Variants in PXDN observed in about 807,000 individuals in gnomAD.
The protein encoded by PXDN is peroxidasin homolog.
Under a neutral mutation model 140.3 loss-of-function variants are expected in PXDN, and 77 were observed. The ratio of observed to expected loss-of-function variants is 0.55; its 90% CI spans 0.46 to 0.66. The LOEUF (loss-of-function observed/expected upper bound fraction) is 0.66. Ranked by LOEUF, PXDN falls within the 30% of genes least tolerant of loss-of-function variation. PXDN has a pLI of 0.00. For synonymous variants in PXDN, 911 were observed against 857.4 expected, an observed-to-expected ratio of 1.06 and a Z score of -1.09; for missense variants, 1,838 against 2,039.5, an observed-to-expected ratio of 0.90 and a Z score of 1.90.
rs555320139 is a variant in PXDN, at chr2:1,718,251, C to G, written c.201-25117G>C. Reference sequence around the variant, plus strand: ...TACTCTACTAACCTACTACGCAAACCTACTCTACTCACCTATTCCACTAAC... The same window carrying G: ...TACTCTACTAACCTACTACGCAAACGTACTCTACTCACCTATTCCACTAAC... On this transcript the variant is annotated intron_variant, in intron 1 of 22. Coordinates refer to ENST00000252804, the MANE Select transcript of PXDN (RefSeq NM_012293.3). Among the ~76,000 whole-genome samples the G allele has an allele frequency of 6.9e-4, 105 of 151,934 alleles. 1 individual carries two copies. The South Asian group carries it at 9.2e-3, about 13-fold the overall frequency.
At chr2:1,710,204 G>A (rs371106882) in intron 1 of PXDN, among the ~76,000 whole-genome samples, 6 of 152,288 alleles carry the variant, frequency 3.9e-5, no homozygotes, top group East Asian at 1.9e-4. Context: ...TGTGTCAAAG[G>A]AGACACACGC....
At chr2:1,711,647 A>ACCAGCACCCGCT (rs1684789223) in intron 1 of PXDN, among the ~76,000 whole-genome samples, 1 of 117,418 alleles carries the variant, frequency 8.5e-6, no homozygotes, top group Non-Finnish European at 1.9e-5. Flanking sequence ...ACCAGCACCC[A>ACCAGCACCCGCT]CTCCACCAGC....
chr2:1,697,339 G>T (rs532207781), intron 1 of PXDN, among the ~76,000 whole-genome samples: 8 of 152,236 alleles, frequency 5.3e-5, no homozygotes, highest in South Asian at 2.1e-4. Flanking sequence ...GCATTTCCAC[G>T]TCTGATCCTT....
intron 1 of PXDN, among the ~76,000 whole-genome samples, chr2:1,697,272 T>C (rs891034430): frequency 6.6e-6 from 1 of 152,150 alleles, no homozygotes; most frequent in African/African-American, 2.4e-5. Flanking sequence ...AGGAAAAGCA[T>C]TTGCACACAC....
chr2:1,696,187 A>C (rs1418387009), intron 1 of PXDN, among the ~76,000 whole-genome samples: 1 of 152,280 alleles, frequency 6.6e-6, no homozygotes, highest in African/African-American at 2.4e-5. Context: ...AGAGTTCAAT[A>C]AAACATTTTT....
At chr2:1,700,939 A>G (rs1684410614) in intron 1 of PXDN, among the ~76,000 whole-genome samples, 1 of 152,162 alleles carries the variant, frequency 6.6e-6, no homozygotes, top group African/African-American at 2.4e-5. Context: ...AGAGGCAAAT[A>G]TGCAAAGTGC....
rs771853370 is a variant in PXDN at position 1,666,419 on chromosome 2, C to T, written c.1086G>A (p.Glu362=). The change falls in exon 10 of 23, where the codon GAG becomes GAA. Residue 362 remains glutamate (E), a synonymous_variant. Coordinates refer to ENST00000252804, the MANE Select transcript of PXDN (RefSeq NM_012293.3). ...GCGGGGGGTGGCCTGTGGCGCTGCACTCCAGCGTGACGCTCTCCCCAACCA... is the reference window on the plus strand; with the variant it reads ...GCGGGGGGTGGCCTGTGGCGCTGCATTCCAGCGTGACGCTCTCCCCAACCA... ...EVLVGESVTL[E]CSATGHPPPR... 4 of 1,613,574 alleles carry T rather than the reference C, an allele frequency of 2.5e-6. No homozygotes were observed. The African/African-American group carries it at 4.0e-5, about 16-fold the overall frequency.
In PXDN at chr2:1,639,398, T is replaced by C. The variant is rs751597008; in HGVS notation, c.3977A>G (p.Asn1326Ser). ...CEDCRTRGQF[N>S]AFSYHFRGRR... ...GCCTCGGAAATGATAGGAAAAGGCA[T>C]TGAACTGCCCCCTGGTCCTACAGTC... The change falls in exon 20 of 23, where the codon AAT (asparagine) becomes AGT (serine). Residue 1326 changes from asparagine to serine, a missense_variant. Transcript: ENST00000252804. This position sits in a 1 kb window ranked among gnomAD's most constrained non-coding sequence, Gnocchi z 5.0. 9 of 1,613,988 alleles carry C rather than the reference T, an allele frequency of 5.6e-6. No homozygotes were observed. Among genetic ancestry groups the C allele is most frequent in the African/African-American group, 1.3e-5 (1 of 75,048 alleles).
chr2:1,675,566 T>C (rs751471847), intron 8 of PXDN, among the ~76,000 whole-genome samples: 1 of 152,130 alleles, frequency 6.6e-6, no homozygotes, highest in Non-Finnish European at 1.5e-5. Context: ...CCAAGGTCAA[T>C]ATGACTTTTC....
chr2:1,701,753 G>C (rs937162209), intron 1 of PXDN, among the ~76,000 whole-genome samples: 1 of 152,196 alleles, frequency 6.6e-6, no homozygotes, highest in Admixed American at 6.5e-5. Flanking sequence ...ATCCCCAAGG[G>C]ATGGTGTTGG....
chr2:1,682,139 C>G (rs1026672495), intron 6 of PXDN, among the ~76,000 whole-genome samples: 2 of 152,194 alleles, frequency 1.3e-5, no homozygotes, highest in African/African-American at 4.8e-5. Context: ...GCCAGACACC[C>G]AGAGAGAGGC....
chr2:1,726,138 T>C (rs544865227), intron 1 of PXDN, among the ~76,000 whole-genome samples: 220 of 152,224 alleles, frequency 1.4e-3, no homozygotes, highest in African/African-American at 5.1e-3. Flanking sequence ...CGTATGTTTA[T>C]TGCGGCACTA....
At chr2:1,733,558 A>T (rs944832243) in intron 1 of PXDN, among the ~76,000 whole-genome samples, 2 of 152,114 alleles carry the variant, frequency 1.3e-5, no homozygotes, top group African/African-American at 2.4e-5. Context: ...CATGGCCAAC[A>T]TGGTGAAATC....
chr2:1,649,401 G>A lies in PXDN; in HGVS notation c.2379C>T (p.Pro793=), dbSNP rs555922070. ...PHRLYNGHAL[P]MPRLVSTTLI... The stretch of plus-strand genomic sequence containing the variant: ...GGGTGGTGGACACCAGGCGCGGCAT[G>A]GGAAGGGCGTGCCCGTTGTACAGTC... Residue 793 remains proline, a synonymous_variant, in exon 17 of 23, where the codon CCC becomes CCT. Coordinates refer to ENST00000252804, the MANE Select transcript of PXDN (RefSeq NM_012293.3). The surrounding 1 kb of genome is among the most constrained non-coding windows in gnomAD (Gnocchi z 7.1). The A allele has an allele frequency of 1.2e-6, 2 of 1,613,978 alleles. No homozygotes were observed. The highest frequency in any genetic ancestry group is 1.7e-5 in the Admixed American group (1 of 60,026).
intron 10 of PXDN, 49 bp downstream of exon 10, chr2:1,666,165 G>T (rs779848045): frequency 6.3e-7 from 1 of 1,599,532 alleles, no homozygotes; most frequent in Non-Finnish European, 8.6e-7. Flanking sequence ...TAGTGGAGGG[G>T]TGAGGATGGG....
Position 1,644,798 on chromosome 2 carries a change from G to GT in PXDN, c.3609-47dup, listed in dbSNP as rs748080190. 6.4e-5 allele frequency: 87 copies of GT among 1,369,124 alleles called. No individual in the cohort carries two copies. In the African/African-American group the frequency reaches 1.2e-3, roughly 19 times the overall value. The allele number at this position is 1,369,124 out of a possible 1,614,324, so 84.8% of individuals were successfully genotyped here. A position where few individuals can be genotyped will look rare whatever the true frequency, so the allele number is the denominator to read the frequency against. ...TGAAATCTACCTAACAAAGCTGCAC[G>GT]TGGTAAAAAATACAGCAAATATAAA... On this transcript the variant is annotated intron_variant, in intron 17 of 22. Transcript: ENST00000252804.
At chr2:1,718,679 A>G (rs1489533107) in intron 1 of PXDN, among the ~76,000 whole-genome samples, 1 of 152,220 alleles carries the variant, frequency 6.6e-6, no homozygotes, top group Non-Finnish European at 1.5e-5. Context: ...GGTGACACAG[A>G]GCAGCAAACA....
At chr2:1,655,679 C>A (rs539479605) in intron 14 of PXDN, among the ~76,000 whole-genome samples, 7 of 140,002 alleles carry the variant, frequency 5.0e-5, no homozygotes, top group African/African-American at 1.6e-4. Context: ...CCCCTCCTGA[C>A]GGAAACCTGC....
intron 1 of PXDN, among the ~76,000 whole-genome samples, chr2:1,709,206 C>T (rs11684407): frequency 0.68 from 103,259 of 152,102 alleles, 35,393 homozygotes; most frequent in Middle Eastern, 0.78. Context: ...ACCACAGGTG[C>T]GGGGACCACG....
Sources: allele counts gnomAD v4.1 joint callset (sites outside exome capture counted in the v4.1 genomes callset), GRCh38; gene constraint gnomAD v4.1.1; non-coding constraint Gnocchi (gnomAD v3.1); transcripts MANE v1.5; gene names NCBI Gene and HGNC (gene_info 2026-07-23, HGNC 2026-07-21).